Variants in JAKMIP1 observed in about 807,000 individuals in gnomAD.
The protein encoded by JAKMIP1 is janus kinase and microtubule-interacting protein 1.
JAKMIP1 carries 33 observed loss-of-function variants against 113.0 expected under a neutral mutation model. That is an observed-to-expected ratio of 0.29 (90% CI 0.22 to 0.39). The LOEUF (loss-of-function observed/expected upper bound fraction) is 0.39, where lower values mean the gene tolerates loss of function less well. Among genes scored for constraint, JAKMIP1 ranks in the 10% least tolerant of loss-of-function variants. JAKMIP1 has a pLI of 1.00. For missense variants in JAKMIP1, 813 were observed against 1,080.5 expected, an observed-to-expected ratio of 0.75 and a Z score of 3.47; for synonymous variants, 480 against 459.9, an observed-to-expected ratio of 1.04 and a Z score of -0.56.
intron 8 of JAKMIP1, among the ~76,000 whole-genome samples, chr4:6,074,645 G>A (rs920772803): frequency 6.6e-6 from 1 of 152,130 alleles, no homozygotes; most frequent in Non-Finnish European, 1.5e-5. Flanking sequence ...TATAACCTAC[G>A]CACATCCTCT....
chr4:6,100,599 T>C (rs1712842461), intron 3 of JAKMIP1, among the ~76,000 whole-genome samples: 1 of 152,126 alleles, frequency 6.6e-6, no homozygotes, highest in African/African-American at 2.4e-5. Flanking sequence ...TACTTAGGAG[T>C]AGAATTACAG....
intron 2 of JAKMIP1, among the ~76,000 whole-genome samples, chr4:6,111,721 C>T (rs1334007494): frequency 6.6e-6 from 1 of 152,190 alleles, no homozygotes; most frequent in Non-Finnish European, 1.5e-5. Context: ...TTTAATTAGA[C>T]TGCCAGCACC....
At chr4:6,109,888 T>C (rs921270292) in intron 2 of JAKMIP1, among the ~76,000 whole-genome samples, 14 of 152,188 alleles carry the variant, frequency 9.2e-5, no homozygotes, top group Admixed American at 2.0e-4. Context: ...TCTCAGAGAA[T>C]TGAAATTCTC....
chr4:6,084,698 T>C, intron 5 of JAKMIP1, 148 bp downstream of exon 5: 1 of 827,506 alleles, frequency 1.2e-6, no homozygotes, highest in Non-Finnish European at 1.8e-6. Context: ...TGAGCATGTG[T>C]TAGATTTTTA....
At position 6,143,710 on chromosome 4, in the gene JAKMIP1, C is replaced by A. The variant is rs959222597; in HGVS notation, c.-147-30713G>T. ...CTCAACAGTAACCTACTGAACAGAA[C>A]GTGGGGGTGGACTCAGCAGTGTGGG... On this transcript the variant is annotated intron_variant, in intron 1 of 20. Transcript: ENST00000409021. This position sits in a 1 kb window ranked among gnomAD's most constrained non-coding sequence, Gnocchi z 4.9. 6.6e-6 allele frequency among the ~76,000 whole-genome samples: 1 copy of A among 152,134 alleles called. No individual in the cohort carries two copies. The highest frequency in any genetic ancestry group is 2.4e-5 in the African/African-American group (1 of 41,422).
intron 3 of JAKMIP1, among the ~76,000 whole-genome samples, chr4:6,092,468 G>C (rs1306626862): frequency 1.3e-5 from 2 of 152,190 alleles, no homozygotes; most frequent in Non-Finnish European, 2.9e-5. Context: ...CCCCCTTCCT[G>C]CTCCTCTGGG....
At chr4:6,090,996 T>C (rs1721992148) in intron 3 of JAKMIP1, among the ~76,000 whole-genome samples, 1 of 152,256 alleles carries the variant, frequency 6.6e-6, no homozygotes, top group South Asian at 2.1e-4. Flanking sequence ...TGACTTTTAC[T>C]AAGATGCATC....
chr4:6,149,204 C>T (rs1351050684), intron 1 of JAKMIP1, among the ~76,000 whole-genome samples: 1 of 152,188 alleles, frequency 6.6e-6, no homozygotes, highest in Admixed American at 6.5e-5. Context: ...TAACTACATA[C>T]AATTAAATTA....
rs188008377 is a variant in JAKMIP1, at chr4:6,184,546, G to A, written c.-148+15707C>T. 1.3e-5 allele frequency among the ~76,000 whole-genome samples: 2 copies of A among 152,294 alleles called. No individual in the cohort carries two copies. The highest frequency in any genetic ancestry group is 6.5e-5 in the Admixed American group (1 of 15,306). Reference sequence around the variant, plus strand: ...GCCAAGCACACCCTCCACCCTGAGCGCCAGTGTGGGATGGGTGCTATATGG... The same window carrying A: ...GCCAAGCACACCCTCCACCCTGAGCACCAGTGTGGGATGGGTGCTATATGG... On this transcript the variant is annotated intron_variant, in intron 1 of 20. Coordinates refer to ENST00000409021, the MANE Select transcript of JAKMIP1 (RefSeq NM_001099433.2). This position sits in a 1 kb window ranked among gnomAD's most constrained non-coding sequence, Gnocchi z 4.5.
At chr4:6,063,006 G>A (rs1438031705) in intron 9 of JAKMIP1, among the ~76,000 whole-genome samples, 6 of 152,206 alleles carry the variant, frequency 3.9e-5, no homozygotes, top group Non-Finnish European at 7.3e-5. Flanking sequence ...GCTGGTTATG[G>A]TGGTGGGCAC....
At chr4:6,118,016 G>A (rs1014438745) in intron 1 of JAKMIP1, among the ~76,000 whole-genome samples, 1 of 152,154 alleles carries the variant, frequency 6.6e-6, no homozygotes, top group South Asian at 2.1e-4. Flanking sequence ...GTCCTGAGAC[G>A]ATACATATCC....
At chr4:6,054,538 C>T (rs1231008803) in intron 12 of JAKMIP1, among the ~76,000 whole-genome samples, 1 of 152,220 alleles carries the variant, frequency 6.6e-6, no homozygotes, top group Non-Finnish European at 1.5e-5. Context: ...GTCTTTCCAA[C>T]TCAAGCCCCA....
In JAKMIP1 at chr4:6,066,158, C is replaced by A. The variant is rs369337524; in HGVS notation, c.1303-1150G>T. On this transcript the variant is annotated intron_variant, in intron 8 of 20. Coordinates refer to ENST00000409021, the MANE Select transcript of JAKMIP1 (RefSeq NM_001099433.2). ...TGACTTCACCCAGAGCTCCCCCAAC[C>A]CACAGAGAAAACCCAGGCACTCCCC... Among the ~76,000 whole-genome samples, 37 of 152,258 alleles carry A rather than the reference C, an allele frequency of 2.4e-4. No individual in the cohort carries two copies. In the East Asian group the frequency reaches 2.7e-3, roughly 11 times the overall value.
chr4:6,126,229 C>T (rs571431914), intron 1 of JAKMIP1, among the ~76,000 whole-genome samples: 3 of 145,716 alleles, frequency 2.1e-5, no homozygotes, highest in South Asian at 2.3e-4. Flanking sequence ...AACACACACA[C>T]GCAAACACAC....
chr4:6,161,393 G>A (rs73075462), intron 1 of JAKMIP1, among the ~76,000 whole-genome samples: 3,240 of 150,244 alleles, frequency 0.022, 114 homozygotes, highest in African/African-American at 0.072. Context: ...TGGCTGCCCC[G>A]TGGGCTTTGG....
rs112107172 is a variant in JAKMIP1, at chr4:6,197,426, G to T, written c.-148+2827C>A. On this transcript the variant is annotated intron_variant, in intron 1 of 20. Coordinates refer to ENST00000409021, the MANE Select transcript of JAKMIP1 (RefSeq NM_001099433.2). This position sits in a 1 kb window ranked among gnomAD's most constrained non-coding sequence, Gnocchi z 6.5. The stretch of plus-strand genomic sequence containing the variant: ...TCACCATCATCACCCCTCATAAATC[G>T]GCTACCTTTGCTCAGAGACCACACC... 1.9e-3 allele frequency among the ~76,000 whole-genome samples: 292 copies of T among 152,186 alleles called. No homozygotes were observed. The highest frequency in any genetic ancestry group is 6.8e-3 in the African/African-American group (282 of 41,514).
intron 20 of JAKMIP1, among the ~76,000 whole-genome samples, chr4:6,027,731 G>C (rs901833096): frequency 3.3e-5 from 5 of 152,206 alleles, no homozygotes; most frequent in Admixed American, 2.0e-4. Context: ...GTCGAAAAAA[G>C]AGCCAGAAAG....
At position 6,167,284 on chromosome 4, in the gene JAKMIP1, G is replaced by A. The variant is rs1482194578; in HGVS notation, c.-148+32969C>T. ...GCAGTCCCCATGTCCCATCAGAGCT[G>A]GGACTTCATCTTTCATGTGGCTCCT... On this transcript the variant is annotated intron_variant, in intron 1 of 20. Coordinates refer to ENST00000409021, the MANE Select transcript of JAKMIP1 (RefSeq NM_001099433.2). This position sits in a 1 kb window ranked among gnomAD's most constrained non-coding sequence, Gnocchi z 5.3. 6.6e-6 allele frequency among the ~76,000 whole-genome samples: 1 copy of A among 151,992 alleles called. No homozygotes were observed. Among genetic ancestry groups the A allele is most frequent in the Non-Finnish European group, 1.5e-5 (1 of 67,986 alleles).
At chr4:6,087,492 C>T (rs1231831904) in intron 3 of JAKMIP1, among the ~76,000 whole-genome samples, 1 of 151,960 alleles carries the variant, frequency 6.6e-6, no homozygotes, top group Non-Finnish European at 1.5e-5. Context: ...TAACACGAGG[C>T]TATTTTATTT....
Sources: allele counts gnomAD v4.1 joint callset (sites outside exome capture counted in the v4.1 genomes callset), GRCh38; gene constraint gnomAD v4.1.1; non-coding constraint Gnocchi (gnomAD v3.1); transcripts MANE v1.5; gene names NCBI Gene and HGNC (gene_info 2026-07-23, HGNC 2026-07-21).